Variants in TRHDE observed in about 807,000 individuals in gnomAD.
TRHDE encodes thyrotropin releasing hormone degrading enzyme.
TRHDE carries 72 observed loss-of-function variants against 125.7 expected under a neutral mutation model. That is an observed-to-expected ratio of 0.57 (90% CI 0.47 to 0.70). TRHDE has a LOEUF of 0.70. Among genes scored for constraint, TRHDE ranks in the 30% least tolerant of loss-of-function variants. TRHDE has a pLI of 0.00. For missense variants in TRHDE, 1,110 were observed against 1,327.1 expected, an observed-to-expected ratio of 0.84 and a Z score of 2.54; for synonymous variants, 509 against 509.1, an observed-to-expected ratio of 1.00 and a Z score of 0.00.
intron 2 of TRHDE, among the ~76,000 whole-genome samples, chr12:72,222,018 G>A (rs1046237968): frequency 6.6e-6 from 1 of 152,048 alleles, no homozygotes; most frequent in African/African-American, 2.4e-5. Flanking sequence ...TCACAATGTG[G>A]AAGCTTCAGG....
Position 72,154,113 on chromosome 12 carries a change from G to A in TRHDE, n.279+48361G>A, listed in dbSNP as rs561952056. 8.9e-3 allele frequency among the ~76,000 whole-genome samples: 1,351 copies of A among 152,242 alleles called. 30 individuals carry two copies. The highest frequency in any genetic ancestry group is 0.032 in the African/African-American group (1,319 of 41,524). ...GATGCATATATATTTAGGATAGTTA[G>A]CTCTTCTTGTTGAATTGATCCCTTT... On this transcript the variant is annotated intron_variant and non_coding_transcript_variant, in intron 2 of 4. Transcript: ENST00000548156.
At chr12:72,139,148 T>C (rs2139313049) in intron 2 of TRHDE, among the ~76,000 whole-genome samples, 1 of 152,308 alleles carries the variant, frequency 6.6e-6, no homozygotes, top group South Asian at 2.1e-4. Context: ...GGTGTTCTTT[T>C]TAAAGGAACA....
At position 72,664,406 on chromosome 12, in the gene TRHDE, G is replaced by A. The variant is rs306028; in HGVS notation, c.*1211G>A. Reference sequence around the variant, plus strand: ...GTCTATTAGCATTTAATGACCTTTTGTGCCAGTTGTGCCATCCCTTAAGAT... The same window carrying A: ...GTCTATTAGCATTTAATGACCTTTTATGCCAGTTGTGCCATCCCTTAAGAT... On this transcript the variant is annotated 3_prime_UTR_variant, in exon 19 of 19. Transcript: ENST00000261180. 0.95 allele frequency: 144,640 copies of A among 152,602 alleles called. 68,557 individuals are homozygous for A. Among genetic ancestry groups the A allele is most frequent in the East Asian group, 1 (5,140 of 5,150 alleles). 9.5% of individuals were successfully genotyped at this position (152,602 alleles called of 1,614,324 possible).
At chr12:72,388,740 G>A (rs1872525910) in intron 3 of TRHDE, among the ~76,000 whole-genome samples, 1 of 152,056 alleles carries the variant, frequency 6.6e-6, no homozygotes, top group Admixed American at 6.6e-5. Context: ...AAAGGAAATT[G>A]TTGGTGAAAA....
Position 72,473,188 on chromosome 12 carries a change from C to T in TRHDE, c.1584+8C>T. On this transcript the variant is annotated splice_region_variant and intron_variant, in intron 5 of 18. Coordinates refer to ENST00000261180, the MANE Select transcript of TRHDE (RefSeq NM_013381.3). The stretch of plus-strand genomic sequence containing the variant: ...TATCCTGGCTGGAACATGGTAAGTG[C>T]ACTTGAATTATTTGAAACTTTTAGT... 1.9e-6 allele frequency: 3 copies of T among 1,604,470 alleles called. No homozygotes were observed. In the Middle Eastern group the frequency reaches 5.0e-4, roughly 266 times the overall value.
chr12:72,122,634 C>G (rs1372228629), intron 2 of TRHDE, among the ~76,000 whole-genome samples: 1 of 151,806 alleles, frequency 6.6e-6, no homozygotes, highest in Non-Finnish European at 1.5e-5. Context: ...TGGTAGTTAA[C>G]TCAAAACACT....
chr12:72,441,798 T>C (rs1875027282), intron 3 of TRHDE, among the ~76,000 whole-genome samples: 1 of 151,822 alleles, frequency 6.6e-6, no homozygotes, highest in Non-Finnish European at 1.5e-5. Context: ...AAGCAAATGC[T>C]AGTAAGAAAT....
intron 3 of TRHDE, among the ~76,000 whole-genome samples, chr12:72,396,358 G>A (rs1292717516): frequency 6.6e-6 from 1 of 151,990 alleles, no homozygotes; most frequent in Non-Finnish European, 1.5e-5. Context: ...AGTTTTGCCT[G>A]GGCTCTAAGT....
intron 2 of TRHDE, among the ~76,000 whole-genome samples, chr12:72,358,240 A>T (rs1389767847): frequency 1.3e-5 from 2 of 151,498 alleles, no homozygotes; most frequent in African/African-American, 4.8e-5. Flanking sequence ...GTCCCCTTAT[A>T]CATGAATTTT....
intron 12 of TRHDE, among the ~76,000 whole-genome samples, chr12:72,587,773 T>G (rs954681131): frequency 6.6e-6 from 1 of 152,164 alleles, no homozygotes; most frequent in African/African-American, 2.4e-5. Flanking sequence ...AAGTTACAAG[T>G]GTTTGATGCA....
intron 2 of TRHDE, chr12:72,303,029 AAT>A (rs1308627594): frequency 6.6e-6 from 1 of 152,172 alleles, no homozygotes; most frequent in Non-Finnish European, 1.5e-5. Context: ...ATGCTTGAAT[AAT>A]GACTTTGGTG....
At chr12:72,482,907 AC>A (rs1410969064) in intron 5 of TRHDE, among the ~76,000 whole-genome samples, 1 of 151,956 alleles carries the variant, frequency 6.6e-6, no homozygotes, top group African/African-American at 2.4e-5. Context: ...AAAACAGGGA[AC>A]TTTTCTTGAA....
At chr12:72,414,692 C>T (rs2135818965) in intron 3 of TRHDE, among the ~76,000 whole-genome samples, 1 of 152,034 alleles carries the variant, frequency 6.6e-6, no homozygotes, top group East Asian at 1.9e-4. Context: ...AAAAGGCTTT[C>T]ATTTGTATAG....
chr12:72,499,894 T>C (rs1878076429), intron 6 of TRHDE, among the ~76,000 whole-genome samples: 1 of 152,182 alleles, frequency 6.6e-6, no homozygotes, highest in African/African-American at 2.4e-5. Flanking sequence ...AGACTCGATA[T>C]GAAATTGCTC....
At chr12:72,564,522 A>G (rs1256018335) in intron 9 of TRHDE, among the ~76,000 whole-genome samples, 1 of 152,104 alleles carries the variant, frequency 6.6e-6, no homozygotes, top group Non-Finnish European at 1.5e-5. Context: ...TCAACCTATA[A>G]CATACATCAG....
At chr12:72,367,428 C>A (rs930185127) in intron 2 of TRHDE, among the ~76,000 whole-genome samples, 17 of 152,056 alleles carry the variant, frequency 1.1e-4, no homozygotes, top group Non-Finnish European at 1.0e-4. Context: ...CAGTGCCTTC[C>A]CCTTCCTCCT....
chr12:72,286,354 A>C (rs1879885399), intron 1 of TRHDE, among the ~76,000 whole-genome samples: 1 of 152,222 alleles, frequency 6.6e-6, no homozygotes, highest in Non-Finnish European at 1.5e-5. Flanking sequence ...CACACTGAAA[A>C]GGAGAATCAT....
rs1872717403 is a variant in TRHDE, at chr12:72,613,938, G to A, written c.2322-4953G>A. 1.3e-5 allele frequency among the ~76,000 whole-genome samples: 2 copies of A among 152,118 alleles called. 1 individual carries two copies. Among genetic ancestry groups the A allele is most frequent in the South Asian group, 4.1e-4 (2 of 4,822 alleles). On this transcript the variant is annotated intron_variant, in intron 12 of 18. Coordinates refer to ENST00000261180, the MANE Select transcript of TRHDE (RefSeq NM_013381.3). ...CAGGATGTAAAGGAACAATAGTGCT[G>A]GTGTCAGTCTGGGGAGGCCTCAGGA... is the stretch of plus-strand genomic sequence containing the variant.
chr12:72,134,576 A>T (rs964788234), intron 2 of TRHDE, among the ~76,000 whole-genome samples: 19 of 151,436 alleles, frequency 1.3e-4, no homozygotes, highest in Admixed American at 4.6e-4. Context: ...TGTATAGTAT[A>T]TTTTTTTTTC....
Sources: allele counts gnomAD v4.1 joint callset (sites outside exome capture counted in the v4.1 genomes callset), GRCh38; gene constraint gnomAD v4.1.1; transcripts MANE v1.5; gene names NCBI Gene and HGNC (gene_info 2026-07-23, HGNC 2026-07-21).